Variants in GALNT1 observed in about 807,000 individuals in gnomAD.
GALNT1 encodes polypeptide N-acetylgalactosaminyltransferase 1.
In GALNT1, 17 loss-of-function variants were observed where a neutral mutation model predicts 65.7. That is an observed-to-expected ratio of 0.26 (90% confidence interval 0.18 to 0.39). The LOEUF (loss-of-function observed/expected upper bound fraction) is 0.39, where lower values mean the gene tolerates loss of function less well. Among genes scored for constraint, GALNT1 ranks in the 10% least tolerant of loss-of-function variants. The probability of loss-of-function intolerance (pLI) is 1.00; values close to 1 mark genes in which losing one functional copy is unlikely to be tolerated. For missense variants in GALNT1, 460 were observed against 672.8 expected, an observed-to-expected ratio of 0.68 and a Z score of 3.50; for synonymous variants, 210 against 219.7, an observed-to-expected ratio of 0.96 and a Z score of 0.39.
At chr18:35,591,490 A>G (rs958296881) in intron 1 of GALNT1, among the ~76,000 whole-genome samples, 1 of 152,224 alleles carries the variant, frequency 6.6e-6, no homozygotes, top group South Asian at 2.1e-4. Flanking sequence ...CACTGAGAAG[A>G]TAAGTGGTAA....
intron 9 of GALNT1, among the ~76,000 whole-genome samples, chr18:35,701,660 T>C (rs1054622091): frequency 1.3e-5 from 2 of 152,138 alleles, no homozygotes; most frequent in Non-Finnish European, 2.9e-5. Flanking sequence ...GTTGTGGGAA[T>C]AGTAATAAAA....
At chr18:35,683,693 A>C in intron 5 of GALNT1, 95 bp downstream of exon 5, 1 of 959,558 alleles carries the variant, frequency 1.0e-6, no homozygotes, top group Non-Finnish European at 1.5e-6. Context: ...TAAATATAAA[A>C]GTAATTTCCT....
chr18:35,609,894 T>G (rs2046695555), intron 1 of GALNT1, among the ~76,000 whole-genome samples: 1 of 152,238 alleles, frequency 6.6e-6, no homozygotes, highest in Non-Finnish European at 1.5e-5. Context: ...AGGATTTGGT[T>G]GTTCTTCAGT....
intron 2 of GALNT1, among the ~76,000 whole-genome samples, chr18:35,662,461 T>C (rs994468700): frequency 6.6e-6 from 1 of 152,206 alleles, no homozygotes; most frequent in Non-Finnish European, 1.5e-5. Flanking sequence ...GTGAATAGTT[T>C]CATATCCTGC....
At chr18:35,696,911 T>C (rs1244421368) in intron 9 of GALNT1, among the ~76,000 whole-genome samples, 3 of 152,234 alleles carry the variant, frequency 2.0e-5, no homozygotes, top group Non-Finnish European at 4.4e-5. Context: ...TTAACAAAGC[T>C]CTTACATTGT....
chr18:35,630,184 AG>A (rs1447465626), intron 1 of GALNT1, among the ~76,000 whole-genome samples: 1 of 152,212 alleles, frequency 6.6e-6, no homozygotes, highest in Non-Finnish European at 1.5e-5. Context: ...AATTGAACTC[AG>A]CTCTGCACCA....
At chr18:35,637,103 T>G (rs1395235685) in intron 1 of GALNT1, among the ~76,000 whole-genome samples, 2 of 152,104 alleles carry the variant, frequency 1.3e-5, no homozygotes, top group African/African-American at 4.8e-5. Flanking sequence ...TCTCTCCCTC[T>G]CCTCGGGTAT....
intron 1 of GALNT1, among the ~76,000 whole-genome samples, chr18:35,608,514 A>G (rs1186055229): frequency 6.6e-6 from 1 of 152,284 alleles, no homozygotes; most frequent in East Asian, 1.9e-4. Context: ...TTTAATGCCT[A>G]ATTTGTACCT....
intron 9 of GALNT1, among the ~76,000 whole-genome samples, 167 bp downstream of exon 9, chr18:35,692,487 CT>C (rs1466187320): frequency 6.6e-6 from 1 of 151,868 alleles, no homozygotes; most frequent in African/African-American, 2.4e-5. Context: ...AAACTATATT[CT>C]TTTTTTCCCA....
intron 9 of GALNT1, among the ~76,000 whole-genome samples, chr18:35,700,917 ATCTT>A (rs1362405611): frequency 6.6e-6 from 1 of 152,232 alleles, no homozygotes; most frequent in African/African-American, 2.4e-5. Context: ...GGCATTTATC[ATCTT>A]TCTTTAGCCA....
chr18:35,700,776 C>A (rs1262691569), intron 9 of GALNT1, among the ~76,000 whole-genome samples: 1 of 152,118 alleles, frequency 6.6e-6, no homozygotes, highest in Non-Finnish European at 1.5e-5. Context: ...TGAGCCACCA[C>A]GCCCCGCCAA....
At chr18:35,667,206 A>G (rs1434714323) in intron 3 of GALNT1, among the ~76,000 whole-genome samples, 1 of 152,098 alleles carries the variant, frequency 6.6e-6, no homozygotes, top group Non-Finnish European at 1.5e-5. Flanking sequence ...AAAATGGAGT[A>G]TCTCCTTCAA....
chr18:35,619,050 G>A (rs1038161713), intron 1 of GALNT1, among the ~76,000 whole-genome samples: 2 of 152,148 alleles, frequency 1.3e-5, no homozygotes, highest in South Asian at 2.1e-4. Context: ...CTTAAAAACC[G>A]ATATGCCAAA....
chr18:35,596,155 C>T (rs992682563), intron 1 of GALNT1: 2 of 152,122 alleles, frequency 1.3e-5, no homozygotes, highest in Non-Finnish European at 2.9e-5. Flanking sequence ...CTTTCACAGT[C>T]AATGGGGGTT....
chr18:35,599,952 G>C (rs1179463986), intron 1 of GALNT1, among the ~76,000 whole-genome samples: 1 of 152,210 alleles, frequency 6.6e-6, no homozygotes, highest in Non-Finnish European at 1.5e-5. Flanking sequence ...TTTGAAGTCA[G>C]GTAGTGTGAT....
intron 1 of GALNT1, among the ~76,000 whole-genome samples, chr18:35,643,130 C>G (rs72962508): frequency 0.1 from 15,427 of 151,892 alleles, 1,001 homozygotes; most frequent in African/African-American, 0.19. Context: ...GGGTCAGAAT[C>G]ATGAGCCCGG....
intron 1 of GALNT1, among the ~76,000 whole-genome samples, chr18:35,626,680 G>C (rs948507376): frequency 5.3e-5 from 8 of 152,102 alleles, no homozygotes; most frequent in Non-Finnish European, 1.0e-4. Context: ...GGTTGGTCTG[G>C]CTCCATGAAA....
At chr18:35,699,237 G>A (rs2048115241) in intron 9 of GALNT1, among the ~76,000 whole-genome samples, 1 of 152,114 alleles carries the variant, frequency 6.6e-6, no homozygotes, top group African/African-American at 2.4e-5. Flanking sequence ...AAATTCCCAA[G>A]CCATCCTGTC....
intron 1 of GALNT1, among the ~76,000 whole-genome samples, chr18:35,639,217 A>G (rs2047130814): frequency 6.6e-6 from 1 of 152,190 alleles, no homozygotes; most frequent in African/African-American, 2.4e-5. Flanking sequence ...TGATGTGGCA[A>G]ACTTCATTTT....
Sources: gnomAD v4.1 joint callset for allele counts (sites outside exome capture counted in the v4.1 genomes callset) on GRCh38, gnomAD v4.1.1 for gene constraint, MANE v1.5 for transcripts, NCBI Gene and HGNC (gene_info 2026-07-23, HGNC 2026-07-21) for gene names.